Variants in RTN1 observed in about 807,000 individuals in gnomAD.
RTN1 encodes reticulon-1.
Under a neutral mutation model 65.5 loss-of-function variants are expected in RTN1, and 25 were observed. The ratio of observed to expected loss-of-function variants is 0.38; its 90% confidence interval spans 0.28 to 0.53. The LOEUF is 0.53. RTN1 is among the 20% of genes least tolerant of loss of function. The pLI, the probability that RTN1 is intolerant of heterozygous loss-of-function variation, is 0.79. For missense variants in RTN1, 983 were observed against 1,025.4 expected (o/e 0.96, Z 0.57); for synonymous variants, 471 against 447.6 (o/e 1.05, Z -0.66).
At position 59,749,491 on chromosome 14, in the gene RTN1, CTA is replaced by C. The variant is rs1337811128; in HGVS notation, c.242-3012_242-3011del. Among the ~76,000 whole-genome samples, 46 of 69,250 alleles carry C rather than the reference CTA, an allele frequency of 6.6e-4. 2 individuals carry two copies. The highest frequency in any genetic ancestry group is 3.1e-3 in the African/African-American group (40 of 12,816). The allele number at this position is 69,250 out of a possible 152,430, so 45.4% of individuals were successfully genotyped here. On this transcript the variant is annotated intron_variant, in intron 1 of 8. Coordinates refer to ENST00000267484, the MANE Select transcript of RTN1 (RefSeq NM_021136.3). ...AATCTATCTATATATCTATATATAT[CTA>C]TATATATCTATATATAGATATCTAT...
intron 1 of RTN1, among the ~76,000 whole-genome samples, chr14:59,788,553 C>T (rs1209386253): frequency 1.3e-5 from 2 of 151,936 alleles, no homozygotes; most frequent in Non-Finnish European, 2.9e-5. Context: ...TCATTTAGTT[C>T]TCGATTTTGA....
intron 2 of RTN1, among the ~76,000 whole-genome samples, chr14:59,737,755 C>T (rs1157179639): frequency 2.0e-5 from 3 of 152,162 alleles, no homozygotes; most frequent in Non-Finnish European, 4.4e-5. Flanking sequence ...TACTTGACTT[C>T]AAACTACACT....
At chr14:59,681,062 T>G (rs959250991) in intron 3 of RTN1, among the ~76,000 whole-genome samples, 1 of 152,112 alleles carries the variant, frequency 6.6e-6, no homozygotes, top group African/African-American at 2.4e-5. Flanking sequence ...AGTTTCTATA[T>G]TAATAGTATG....
At chr14:59,723,212 A>G (rs2139471059) in intron 3 of RTN1, among the ~76,000 whole-genome samples, 1 of 152,332 alleles carries the variant, frequency 6.6e-6, no homozygotes, top group South Asian at 2.1e-4. Context: ...TTAGATTACC[A>G]GAGAGGACAA....
chr14:59,820,689 A>G (rs1488056298), intron 1 of RTN1, among the ~76,000 whole-genome samples: 3 of 152,140 alleles, frequency 2.0e-5, no homozygotes, highest in Non-Finnish European at 4.4e-5. Context: ...TGTATTAGCA[A>G]TTACCTCCCA....
intron 1 of RTN1, among the ~76,000 whole-genome samples, chr14:59,822,410 A>G (rs369423900): frequency 5.3e-5 from 8 of 152,070 alleles, no homozygotes; most frequent in Non-Finnish European, 1.2e-4. Context: ...TTTGTTCTTT[A>G]TTAATCTGGC....
At chr14:59,852,141 A>G (rs1234083305) in intron 1 of RTN1, among the ~76,000 whole-genome samples, 1 of 152,190 alleles carries the variant, frequency 6.6e-6, no homozygotes, top group Non-Finnish European at 1.5e-5. Context: ...AAACAAATTG[A>G]TAGTATAGTA....
At position 59,720,594 on chromosome 14, in the gene RTN1, A is replaced by G. The variant is rs556122178; in HGVS notation, c.1765+6325T>C. ...AAAAATTAGCCAGGCATGGTGGTGCATGCCTGTAGTCCCAACTACTCAGTA... is the reference window on the plus strand; with the variant it reads ...AAAAATTAGCCAGGCATGGTGGTGCGTGCCTGTAGTCCCAACTACTCAGTA... On this transcript the variant is annotated intron_variant, in intron 3 of 8. Transcript: ENST00000267484. Among the ~76,000 whole-genome samples, 11 of 152,182 alleles carry G rather than the reference A, an allele frequency of 7.2e-5. 1 individual carries two copies. The highest frequency in any genetic ancestry group is 2.0e-4 in the Admixed American group (3 of 15,278).
chr14:59,676,367 A>T (rs1883627530), intron 3 of RTN1, among the ~76,000 whole-genome samples: 1 of 152,188 alleles, frequency 6.6e-6, no homozygotes, highest in Admixed American at 6.5e-5. Flanking sequence ...TAAATAAATA[A>T]CCTTGAAAAT....
intron 3 of RTN1, among the ~76,000 whole-genome samples, chr14:59,614,710 G>A (rs900101466): frequency 6.6e-6 from 1 of 152,130 alleles, no homozygotes; most frequent in Non-Finnish European, 1.5e-5. Flanking sequence ...TTATAGATAA[G>A]GCCTGGGGAC....
At chr14:59,725,302 T>C (rs1884734351) in intron 3 of RTN1, among the ~76,000 whole-genome samples, 1 of 152,212 alleles carries the variant, frequency 6.6e-6, no homozygotes, top group Non-Finnish European at 1.5e-5. Flanking sequence ...AACAGCACCG[T>C]GCACACGGTG....
intron 1 of RTN1, among the ~76,000 whole-genome samples, chr14:59,754,163 T>C (rs1254671480): frequency 6.6e-6 from 1 of 152,134 alleles, no homozygotes. Context: ...AGGAGAAGGA[T>C]GAAAAGAAGC....
chr14:59,793,338 G>C (rs1214656019), intron 1 of RTN1, among the ~76,000 whole-genome samples: 2 of 152,152 alleles, frequency 1.3e-5, no homozygotes, highest in Non-Finnish European at 2.9e-5. Context: ...AGGTGACTCA[G>C]GACATGTGAA....
chr14:59,677,568 C>A (rs1883654244), intron 3 of RTN1, among the ~76,000 whole-genome samples: 1 of 152,150 alleles, frequency 6.6e-6, no homozygotes, highest in African/African-American at 2.4e-5. Context: ...ACAGAACAAA[C>A]AAAAAGATTA....
Position 59,665,945 on chromosome 14 carries a change from T to A in RTN1, c.1766-58453A>T, listed in dbSNP as rs532048871. On this transcript the variant is annotated intron_variant, in intron 3 of 8. Transcript: ENST00000267484. Reference sequence around the variant, plus strand: ...GGAGCACCCAGATTCATAAAGCAAGTCCTTAGAGACCTACAAAGAGACTTA... The same window carrying A: ...GGAGCACCCAGATTCATAAAGCAAGACCTTAGAGACCTACAAAGAGACTTA... Among the ~76,000 whole-genome samples the A allele has an allele frequency of 2.6e-5, 4 of 152,128 alleles. No homozygotes were observed. The South Asian group carries it at 8.3e-4, about 32-fold the overall frequency.
intron 1 of RTN1, among the ~76,000 whole-genome samples, chr14:59,848,480 A>T (rs1381210438): frequency 6.6e-6 from 1 of 152,262 alleles, no homozygotes; most frequent in Non-Finnish European, 1.5e-5. Context: ...GAGTTTTAAA[A>T]GAAATTCAAA....
chr14:59,847,027 T>C (rs1445470972), intron 1 of RTN1, among the ~76,000 whole-genome samples: 1 of 152,230 alleles, frequency 6.6e-6, no homozygotes, highest in African/African-American at 2.4e-5. Context: ...TAAGTGGTGC[T>C]GTCCCTCTCT....
chr14:59,777,846 A>AACAC (rs36006273), intron 1 of RTN1, among the ~76,000 whole-genome samples: 21 of 150,026 alleles, frequency 1.4e-4, no homozygotes, highest in South Asian at 2.1e-4. Context: ...AAAACAACAA[A>AACAC]ACACACACAC....
In RTN1 at chr14:59,611,370, C is replaced by T. The variant is rs568388532; in HGVS notation, c.1766-3878G>A. 9.8e-5 allele frequency among the ~76,000 whole-genome samples: 15 copies of T among 152,322 alleles called. No individual in the cohort carries two copies. The South Asian group carries it at 3.1e-3, about 32-fold the overall frequency. On this transcript the variant is annotated intron_variant, in intron 3 of 8. Coordinates refer to ENST00000267484, the MANE Select transcript of RTN1 (RefSeq NM_021136.3). ...GGCGTGGCACTGCTGACCCAATGTG[C>T]ATGAATTTAATTGCAATGGAGAAAT... is the stretch of plus-strand genomic sequence containing the variant.
Sources: allele counts gnomAD v4.1 joint callset (sites outside exome capture counted in the v4.1 genomes callset), GRCh38; gene constraint gnomAD v4.1.1; transcripts MANE v1.5; gene names NCBI Gene and HGNC (gene_info 2026-07-23, HGNC 2026-07-21).